Variants in GSDMC observed in about 807,000 individuals in gnomAD.
The protein encoded by GSDMC is gasdermin-C.
In GSDMC, 59 loss-of-function variants were observed where a neutral mutation model predicts 58.0. The ratio of observed to expected loss-of-function variants is 1.02; its 90% CI spans 0.82 to 1.26. The LOEUF is 1.26. Ranked by LOEUF, GSDMC falls within the 50% of genes most tolerant of loss-of-function variation. The probability of loss-of-function intolerance (pLI) is 0.00; values close to 1 mark genes in which losing one functional copy is unlikely to be tolerated. For synonymous variants in GSDMC, 241 were observed against 220.2 expected (o/e 1.09, Z -0.83); for missense variants, 659 against 598.5 (o/e 1.10, Z -1.06).
the GSDMC span, among the ~76,000 whole-genome samples, chr8:129,721,182 A>G: frequency 1.3e-5 from 2 of 152,166 alleles, no homozygotes; most frequent in Non-Finnish European, 2.9e-5. Flanking sequence ...TACTGGCTAC[A>G]TCATTTTTAA....
At chr8:129,765,498 G>C in intron 4 of GSDMC, 130 bp downstream of exon 4, 1 of 723,944 alleles carries the variant, frequency 1.4e-6, no homozygotes. Context: ...ATGTAAGAAG[G>C]GGGAAATAAT....
chr8:129,750,658 T>C, intron 10 of GSDMC, 88 bp from the exon 11 acceptor site: 7 of 1,314,690 alleles, frequency 5.3e-6, no homozygotes, highest in East Asian at 2.3e-5. Context: ...TGCACGAATA[T>C]GAACCAAACT....
At chr8:129,783,660 T>C (rs929448129) in intron 1 of GSDMC, among the ~76,000 whole-genome samples, 3 of 152,196 alleles carry the variant, frequency 2.0e-5, no homozygotes, top group African/African-American at 7.2e-5. Flanking sequence ...AAAATGTCCA[T>C]ACTATCCAAA....
Position 129,752,816 on chromosome 8 carries a change from G to T in GSDMC, c.726C>A (p.Tyr242Ter). 1 of 1,614,058 alleles carries T rather than the reference G, an allele frequency of 6.2e-7. No homozygotes were observed. Among genetic ancestry groups the T allele is most frequent in the Non-Finnish European group, 8.5e-7 (1 of 1,179,974 alleles). ...AGTAGCCTACCATTTCGGAAATTTC[G>T]TACTCTTGGGAGAGAGGGAGAGCAG... ...DDEQRTFQDE[Y>*]EISEMVGYCA... Residue 242 changes from tyrosine (Y) to a stop codon, truncating the protein, a stop_gained, in exon 7 of 14, where the codon TAC becomes TAA. Transcript: ENST00000276708. LOFTEE classifies it high-confidence loss of function.
At chr8:129,745,654 T>C (rs55755123), downstream of GSDMC, among the ~76,000 whole-genome samples, 4,739 of 151,722 alleles carry the variant, frequency 0.031, 221 homozygotes, top group African/African-American at 0.11. Flanking sequence ...TCCAGGTGCA[T>C]AGAATAATGA....
chr8:129,762,591 C>G, intron 5 of GSDMC, 35 bp downstream of exon 5: 4 of 1,266,468 alleles, frequency 3.2e-6, no homozygotes, highest in Non-Finnish European at 4.6e-6. Context: ...ACCCCCTCCA[C>G]TGCCATCTGC....
Position 129,748,589 on chromosome 8 carries a change from G to C in GSDMC, c.1439C>G (p.Pro480Arg). 2 of 1,613,762 alleles carry C rather than the reference G, an allele frequency of 1.2e-6. No homozygotes were observed. The highest frequency in any genetic ancestry group is 1.7e-6 in the Non-Finnish European group (2 of 1,179,820). The change falls in exon 14 of 14, where the codon CCC becomes CGC. Residue 480 changes from proline to arginine, a missense_variant. Pro to Arg is a moderately radical substitution (Grantham distance 103, BLOSUM62 -2). Coordinates refer to ENST00000276708, the MANE Select transcript of GSDMC (RefSeq NM_031415.3). Reference protein sequence around the residue: ...ECGLRMELDNPRSTWDVEAKM... With the variant: ...ECGLRMELDNRRSTWDVEAKM... Reference sequence around the variant, plus strand: ...TGCTTCTACATCCCAGGTTGACCTGGGGTTATCCAGCTCCATCCTAAGGCC... The same window carrying C: ...TGCTTCTACATCCCAGGTTGACCTGCGGTTATCCAGCTCCATCCTAAGGCC...
chr8:129,720,421 A>C, the GSDMC span, among the ~76,000 whole-genome samples: 1 of 152,190 alleles, frequency 6.6e-6, no homozygotes, highest in Admixed American at 6.5e-5. Context: ...AGTATGTTTT[A>C]AAAGCCAATA....
chr8:129,722,100 T>C, the GSDMC span, among the ~76,000 whole-genome samples: 2 of 152,226 alleles, frequency 1.3e-5, no homozygotes, highest in Non-Finnish European at 2.9e-5. Context: ...TAATTCCAAT[T>C]TCATTCCAGT....
the GSDMC span, among the ~76,000 whole-genome samples, chr8:129,709,376 C>T: frequency 6.6e-6 from 1 of 152,118 alleles, no homozygotes; most frequent in South Asian, 2.1e-4. Flanking sequence ...GATTGAATTA[C>T]GACAGTGTTC....
chr8:129,783,029 C>G (rs1173669190), intron 1 of GSDMC, among the ~76,000 whole-genome samples: 2 of 151,908 alleles, frequency 1.3e-5, no homozygotes, highest in African/African-American at 2.4e-5. Flanking sequence ...GGGATTTATC[C>G]CAGGGATGCA....
chr8:129,751,502 C>T, intron 10 of GSDMC, 40 bp downstream of exon 10: 1 of 1,571,364 alleles, frequency 6.4e-7, no homozygotes, highest in Admixed American at 1.8e-5. Flanking sequence ...CTTGCAGCTC[C>T]CACCCAGAAG....
chr8:129,716,453 T>C, the GSDMC span, among the ~76,000 whole-genome samples: 1 of 152,084 alleles, frequency 6.6e-6, no homozygotes, highest in Non-Finnish European at 1.5e-5. Flanking sequence ...CTTGTGATTT[T>C]TGCACACTGA....
the GSDMC span, among the ~76,000 whole-genome samples, chr8:129,742,220 C>T: frequency 6.6e-6 from 1 of 151,774 alleles, no homozygotes; most frequent in African/African-American, 2.4e-5. Flanking sequence ...TTTTTGAGAT[C>T]TATTGTACAA....
chr8:129,745,232 AT>A (rs2032935876), downstream of GSDMC, among the ~76,000 whole-genome samples: 1 of 152,236 alleles, frequency 6.6e-6, no homozygotes, highest in Admixed American at 6.5e-5. Context: ...ATCACACTTA[AT>A]GAAGTTTTTG....
At chr8:129,747,822 G>T (rs2033001723), downstream of GSDMC, among the ~76,000 whole-genome samples, 2 of 152,116 alleles carry the variant, frequency 1.3e-5, no homozygotes, top group South Asian at 4.2e-4. Flanking sequence ...AGGAGTCAAG[G>T]TGGACTCCCA....
chr8:129,752,060 T>A (rs768876220), intron 8 of GSDMC, 46 bp downstream of exon 8: 1 of 1,581,220 alleles, frequency 6.3e-7, no homozygotes, highest in East Asian at 2.2e-5. Context: ...AGGTGGTTTT[T>A]TGTTGTGCAG....
the GSDMC span, among the ~76,000 whole-genome samples, chr8:129,734,881 A>T: frequency 6.6e-6 from 1 of 152,230 alleles, no homozygotes; most frequent in African/African-American, 2.4e-5. Context: ...TTGGATAAAG[A>T]GTCAAGACCC....
At chr8:129,756,759 G>T (rs2033455524) in intron 6 of GSDMC, among the ~76,000 whole-genome samples, 1 of 152,072 alleles carries the variant, frequency 6.6e-6, no homozygotes, top group Non-Finnish European at 1.5e-5. Flanking sequence ...AGGAATTTTG[G>T]AAACCATACA....
Sources: gnomAD v4.1 joint callset for allele counts (sites outside exome capture counted in the v4.1 genomes callset) on GRCh38, gnomAD v4.1.1 for gene constraint, MANE v1.5 for transcripts, NCBI Gene and HGNC (gene_info 2026-07-23, HGNC 2026-07-21) for gene names.